Variants in ARHGEF18 observed in about 807,000 individuals in gnomAD.
ARHGEF18 encodes the protein Rho/Rac guanine nucleotide exchange factor 18.
ARHGEF18 carries 93 observed loss-of-function variants against 155.7 expected under a neutral mutation model. That is an observed-to-expected ratio of 0.60 (90% CI 0.50 to 0.71). The LOEUF (loss-of-function observed/expected upper bound fraction) is 0.71, where lower values mean the gene tolerates loss of function less well. ARHGEF18 is among the 30% of genes least tolerant of loss of function. ARHGEF18 has a pLI of 0.00. For synonymous variants in ARHGEF18, 742 were observed against 753.1 expected (o/e 0.99, Z 0.24); for missense variants, 1,593 against 1,816.1 (o/e 0.88, Z 2.23).
intron 20 of ARHGEF18, 128 bp downstream of exon 20, chr19:7,460,122 C>T (rs1025137686): frequency 2.5e-5 from 22 of 868,514 alleles, no homozygotes; most frequent in Non-Finnish European, 4.0e-5. Flanking sequence ...GTGCCATGTC[C>T]TGCAGCTCTG....
At position 7,469,158 on chromosome 19, in the gene ARHGEF18, G is replaced by T. The variant is rs748798199; in HGVS notation, c.3787+27G>T. 1.0e-5 allele frequency: 16 copies of T among 1,550,338 alleles called. No homozygotes were observed. In the Admixed American group the frequency reaches 3.0e-4, roughly 29 times the overall value. ...TGAGCCGGCCCCACCCCTTCGCCTG[G>T]GCCTGGAAGGTGCAACTGGTCAGGC... On this transcript the variant is annotated intron_variant, in intron 27 of 28. Coordinates refer to ENST00000668164, the MANE Select transcript of ARHGEF18 (RefSeq NM_001367823.1).
chr19:7,429,682 A>G lies in ARHGEF18; in HGVS notation c.968-10662A>G, dbSNP rs115601637. Among the ~76,000 whole-genome samples, 790 of 152,246 alleles carry G rather than the reference A, an allele frequency of 5.2e-3. 8 individuals carry two copies. Among genetic ancestry groups the G allele is most frequent in the African/African-American group, 0.018 (762 of 41,486 alleles). On this transcript the variant is annotated intron_variant, in intron 10 of 28. Coordinates refer to ENST00000668164, the MANE Select transcript of ARHGEF18 (RefSeq NM_001367823.1). The stretch of plus-strand genomic sequence containing the variant: ...TGGATTTCAGGGTGCAAGAGAAGTC[A>G]TCATCCCACAGACGCCCCCCAAGCT...
chr19:7,435,838 T>C (rs1974222247), intron 10 of ARHGEF18, among the ~76,000 whole-genome samples: 1 of 152,150 alleles, frequency 6.6e-6, no homozygotes, highest in Non-Finnish European at 1.5e-5. Flanking sequence ...TCTTATTCTA[T>C]TTCATTTCAT....
intron 13 of ARHGEF18, among the ~76,000 whole-genome samples, chr19:7,442,688 T>A (rs1974738267): frequency 6.6e-6 from 1 of 152,192 alleles, no homozygotes; most frequent in South Asian, 2.1e-4. Flanking sequence ...GTGGCTGTCT[T>A]AGCCTATATA....
intron 10 of ARHGEF18, among the ~76,000 whole-genome samples, chr19:7,415,634 A>G (rs1972960860): frequency 6.6e-6 from 1 of 151,892 alleles, no homozygotes; most frequent in East Asian, 1.9e-4. Context: ...ACCGGTCCAG[A>G]CCAGGTCCCT....
intron 10 of ARHGEF18, among the ~76,000 whole-genome samples, chr19:7,419,070 A>G (rs1482751284): frequency 4.5e-5 from 6 of 132,946 alleles, no homozygotes; most frequent in South Asian, 2.4e-4. Context: ...AGATGTACCC[A>G]CACTCGGCCT....
chr19:7,381,927 G>A (rs959347758), intron 8 of ARHGEF18, among the ~76,000 whole-genome samples: 6 of 152,252 alleles, frequency 3.9e-5, no homozygotes, highest in Admixed American at 6.5e-5. Flanking sequence ...CTGGGATCTG[G>A]GGGCACAGAC....
At chr19:7,473,789 A>G (rs1416156868), downstream of ARHGEF18, among the ~76,000 whole-genome samples, 1 of 138,656 alleles carries the variant, frequency 7.2e-6, no homozygotes, top group Non-Finnish European at 1.5e-5. Context: ...AGCCTAGGCA[A>G]TAGAGCGAGA....
chr19:7,464,328 G>A lies in ARHGEF18; in HGVS notation c.2774-232G>A, dbSNP rs1038320176. On this transcript the variant is annotated intron_variant, in intron 22 of 28. Coordinates refer to ENST00000668164, the MANE Select transcript of ARHGEF18 (RefSeq NM_001367823.1). Reference sequence around the variant, plus strand: ...GCTGAGATTGCAGGTGTGAGCCACCGCACCCAGCCGATTTTCTGGAACCTT... The same window carrying A: ...GCTGAGATTGCAGGTGTGAGCCACCACACCCAGCCGATTTTCTGGAACCTT... Among the ~76,000 whole-genome samples the A allele has an allele frequency of 8.5e-5, 13 of 152,134 alleles. No homozygotes were observed. The East Asian group carries it at 9.6e-4, about 11-fold the overall frequency.
At position 7,444,919 on chromosome 19, in the gene ARHGEF18, T is replaced by C. The variant is rs2145796560; in HGVS notation, c.1611+465T>C. 1.3e-5 allele frequency among the ~76,000 whole-genome samples: 2 copies of C among 149,572 alleles called. No homozygotes were observed. The highest frequency in any genetic ancestry group is 3.5e-3 in the Middle Eastern group (1 of 288). On this transcript the variant is annotated intron_variant, in intron 14 of 28. Coordinates refer to ENST00000668164, the MANE Select transcript of ARHGEF18 (RefSeq NM_001367823.1). The surrounding 1 kb of genome is among the most constrained non-coding windows in gnomAD (Gnocchi z 4.7). ...TCCCAAAGTGCAGGGATCACAGGCA[T>C]GAGCCATTGTGCCAGCCTTTTCCTT...
intron 10 of ARHGEF18, among the ~76,000 whole-genome samples, chr19:7,399,295 C>T (rs549175298): frequency 1.2e-4 from 18 of 152,120 alleles, no homozygotes; most frequent in South Asian, 4.2e-4. Flanking sequence ...TAATGTCCTC[C>T]GAGAGCATTC....
chr19:7,416,119 TG>T (rs1336316883), intron 10 of ARHGEF18, among the ~76,000 whole-genome samples: 1 of 152,132 alleles, frequency 6.6e-6, no homozygotes, highest in African/African-American at 2.4e-5. Flanking sequence ...GACCCCTAGC[TG>T]GGCGAGGAGG....
At chr19:7,478,921 AGT>A in the ARHGEF18 span, among the ~76,000 whole-genome samples, 1 of 152,078 alleles carries the variant, frequency 6.6e-6, no homozygotes, top group African/African-American at 2.4e-5. Context: ...GGGGCTACCC[AGT>A]GGGCAGCCTC....
chr19:7,398,651 A>G (rs1971857231), intron 10 of ARHGEF18, among the ~76,000 whole-genome samples: 1 of 151,092 alleles, frequency 6.6e-6, no homozygotes, highest in Non-Finnish European at 1.5e-5. Context: ...AGATCACGCC[A>G]TTGCACTCCA....
At chr19:7,361,252 G>C (rs371571577) in intron 1 of ARHGEF18, among the ~76,000 whole-genome samples, 2 of 151,994 alleles carry the variant, frequency 1.3e-5, no homozygotes, top group Non-Finnish European at 2.9e-5. Context: ...CCTGGCCAAC[G>C]TAGCAAGACC....
intron 10 of ARHGEF18, among the ~76,000 whole-genome samples, chr19:7,439,427 T>A (rs546495141): frequency 6.6e-6 from 1 of 152,076 alleles, no homozygotes; most frequent in Non-Finnish European, 1.5e-5. Flanking sequence ...CACTCCAGCC[T>A]GAGCTAGAGT....
chr19:7,350,886 C>T (rs1411253549), intron 1 of ARHGEF18, among the ~76,000 whole-genome samples: 2 of 152,006 alleles, frequency 1.3e-5, no homozygotes, highest in Non-Finnish European at 2.9e-5. Flanking sequence ...TCACTGCAAC[C>T]TCCGCCTCTC....
Position 7,472,398 on chromosome 19 carries a change from C to G in ARHGEF18, c.*2100C>G, listed in dbSNP as rs1977083167. 1 of 154,678 alleles carries G rather than the reference C, an allele frequency of 6.5e-6. No homozygotes were observed. Among genetic ancestry groups the G allele is most frequent in the African/African-American group, 2.4e-5 (1 of 41,466 alleles). 9.6% of individuals were successfully genotyped at this position (154,678 alleles called of 1,614,324 possible). On this transcript the variant is annotated 3_prime_UTR_variant, in exon 29 of 29. Coordinates refer to ENST00000668164, the MANE Select transcript of ARHGEF18 (RefSeq NM_001367823.1). ...CTGCTAATTATTTTTACAATGATTA[C>G]AACATTTCCTCACTGCGGGATATTT...
At chr19:7,357,544 G>C (rs1300500490) in intron 1 of ARHGEF18, among the ~76,000 whole-genome samples, 1 of 152,128 alleles carries the variant, frequency 6.6e-6, no homozygotes, top group Non-Finnish European at 1.5e-5. Context: ...GCATGGGGGT[G>C]GGGAGCAGGG....
Sources: allele counts gnomAD v4.1 joint callset (sites outside exome capture counted in the v4.1 genomes callset), GRCh38; gene constraint gnomAD v4.1.1; non-coding constraint Gnocchi (gnomAD v3.1); transcripts MANE v1.5; gene names NCBI Gene and HGNC (gene_info 2026-07-23, HGNC 2026-07-21).